The following MRPS27 variants were observed in gnomAD, a reference collection of about 807,000 sequenced individuals.
MRPS27 encodes the protein mitochondrial ribosomal protein S27.
A neutral mutation model predicts 48.9 loss-of-function variants in MRPS27; 43 were observed. The observed-to-expected ratio is 0.88, with a 90% confidence interval of 0.69 to 1.13. MRPS27 has a LOEUF of 1.13. Ranked by LOEUF, MRPS27 falls within the 50% of genes most tolerant of loss-of-function variation. The probability of loss-of-function intolerance (pLI) is 0.00; values close to 1 mark genes in which losing one functional copy is unlikely to be tolerated. For synonymous variants in MRPS27, 188 were observed against 171.9 expected, an observed-to-expected ratio of 1.09 and a Z score of -0.73; for missense variants, 467 against 476.3, an observed-to-expected ratio of 0.98 and a Z score of 0.18.
intron 2 of MRPS27, among the ~76,000 whole-genome samples, chr5:72,301,140 T>G (rs189375689): frequency 6.6e-6 from 1 of 152,370 alleles, no homozygotes; most frequent in East Asian, 1.9e-4. Context: ...TTAACCATTT[T>G]TTCCTCTCTT....
chr5:72,238,912 T>G (rs1043688865), intron 4 of MRPS27, among the ~76,000 whole-genome samples: 9 of 152,134 alleles, frequency 5.9e-5, no homozygotes, highest in Admixed American at 5.9e-4. Flanking sequence ...CTACTCCCGG[T>G]TCCTGGGGTT....
intron 7 of MRPS27, chr5:72,229,069 C>T (rs1440732612): frequency 6.6e-6 from 1 of 152,246 alleles, no homozygotes; most frequent in Non-Finnish European, 1.5e-5. Context: ...GACTTCCTGG[C>T]AATGCGGCCA....
chr5:72,320,159 G>A lies in MRPS27; in HGVS notation c.63C>T (p.Leu21=). 1.2e-6 allele frequency: 2 copies of A among 1,613,966 alleles called. No homozygotes were observed. Among genetic ancestry groups the A allele is most frequent in the Non-Finnish European group, 1.7e-6 (2 of 1,179,860 alleles). Residue 21 remains leucine (L), a synonymous_variant, in exon 1 of 11, where the codon CTC becomes CTT. Transcript: ENST00000261413. ...AGCTGTCCGGCCAACCTGCAGGAGA[G>A]AGCTGAGGAAGAACCACTTGCCGCG... ...LLARQVVLPQ[L]SPAGKRYLLS... is the part of the protein sequence containing the mutation.
chr5:72,243,419 C>T (rs1321325746), intron 4 of MRPS27, among the ~76,000 whole-genome samples: 1 of 152,072 alleles, frequency 6.6e-6, no homozygotes, highest in East Asian at 1.9e-4. Context: ...CCCTCAACTA[C>T]CACAAATAAA....
chr5:72,252,637 G>T (rs950296287), intron 4 of MRPS27, among the ~76,000 whole-genome samples: 3 of 152,192 alleles, frequency 2.0e-5, no homozygotes, highest in Non-Finnish European at 4.4e-5. Context: ...TTTGGTTGTT[G>T]TTGAGCACCA....
In MRPS27 at chr5:72,306,657, G is replaced by T. The variant is rs185700016; in HGVS notation, c.151+7424C>A. The stretch of plus-strand genomic sequence containing the variant: ...ACATTTCAACAAACTAAATTAAAAA[G>T]AAATTTATAAGACATTTGGGAAAAT... On this transcript the variant is annotated intron_variant, in intron 2 of 10. Coordinates refer to ENST00000261413, the MANE Select transcript of MRPS27 (RefSeq NM_015084.3). Among the ~76,000 whole-genome samples the T allele has an allele frequency of 4.0e-4, 61 of 152,230 alleles. 1 individual carries two copies. In the East Asian group the frequency reaches 0.011, roughly 28 times the overall value.
chr5:72,284,028 T>A (rs1749599956), intron 4 of MRPS27, among the ~76,000 whole-genome samples: 1 of 152,130 alleles, frequency 6.6e-6, no homozygotes, highest in South Asian at 2.1e-4. Flanking sequence ...TAATAAAAAA[T>A]TTACCCTGTT....
At chr5:72,232,403 TTCTA>T (rs769174192) in intron 7 of MRPS27, 36 bp downstream of exon 7, 2 of 1,507,912 alleles carry the variant, frequency 1.3e-6, no homozygotes, top group Non-Finnish European at 1.8e-6. Context: ...TGCTTGCCTT[TTCTA>T]AAGTTCTTAA....
At chr5:72,249,940 C>T (rs1355612593) in intron 4 of MRPS27, among the ~76,000 whole-genome samples, 2 of 151,946 alleles carry the variant, frequency 1.3e-5, no homozygotes, top group African/African-American at 2.4e-5. Context: ...GCTGAGATCA[C>T]GCCACTGCAC....
intron 4 of MRPS27, among the ~76,000 whole-genome samples, chr5:72,274,416 C>A (rs1749322791): frequency 6.6e-6 from 1 of 152,126 alleles, no homozygotes; most frequent in African/African-American, 2.4e-5. Context: ...TAGGCCTGCA[C>A]AGGGTCAGGA....
chr5:72,289,843 T>A (rs1260558142), intron 4 of MRPS27, among the ~76,000 whole-genome samples: 1 of 152,202 alleles, frequency 6.6e-6, no homozygotes, highest in Non-Finnish European at 1.5e-5. Context: ...GACACCCGGA[T>A]AGTAGAAGGA....
chr5:72,285,217 T>C (rs988716645), intron 4 of MRPS27, among the ~76,000 whole-genome samples: 4 of 152,208 alleles, frequency 2.6e-5, no homozygotes, highest in African/African-American at 9.7e-5. Context: ...TCCATAAAGC[T>C]AGTTCTCACT....
intron 2 of MRPS27, among the ~76,000 whole-genome samples, chr5:72,300,577 GACC>G (rs1336376896): frequency 1.3e-5 from 2 of 152,048 alleles, no homozygotes. Flanking sequence ...CTCAGTAAAT[GACC>G]ACCACATTGG....
At chr5:72,308,782 GAA>G (rs1292916030) in intron 2 of MRPS27, among the ~76,000 whole-genome samples, 1 of 152,212 alleles carries the variant, frequency 6.6e-6, no homozygotes. Context: ...TACACAGTAG[GAA>G]AAAGTCTCAA....
chr5:72,235,339 T>C (rs765503489), intron 5 of MRPS27, among the ~76,000 whole-genome samples: 4 of 152,056 alleles, frequency 2.6e-5, no homozygotes, highest in Non-Finnish European at 5.9e-5. Flanking sequence ...GAGAATCAAC[T>C]GAGAGCTTTA....
intron 6 of MRPS27, 24 bp from the exon 7 acceptor site, chr5:72,232,582 A>G: frequency 2.0e-6 from 3 of 1,522,226 alleles, no homozygotes; most frequent in Non-Finnish European, 2.7e-6. Flanking sequence ...AAAGTAAAAA[A>G]GAGAGGAAAT....
In MRPS27 at chr5:72,238,910, G is replaced by A. The variant is rs114448943; in HGVS notation, c.282-782C>T. On this transcript the variant is annotated intron_variant, in intron 4 of 10. Transcript: ENST00000261413. ...ACCTGGGATGGAAGCTGCTACTCCCGGTTCCTGGGGTTCATGACAAAAGAC... is the reference window on the plus strand; with the variant it reads ...ACCTGGGATGGAAGCTGCTACTCCCAGTTCCTGGGGTTCATGACAAAAGAC... Among the ~76,000 whole-genome samples, 567 of 152,196 alleles carry A rather than the reference G, an allele frequency of 3.7e-3. 1 individual carries two copies. Among genetic ancestry groups the A allele is most frequent in the African/African-American group, 0.013 (550 of 41,526 alleles).
intron 6 of MRPS27, 33 bp from the exon 7 acceptor site, chr5:72,232,591 A>T (rs1277360935): frequency 6.9e-7 from 1 of 1,445,470 alleles, no homozygotes; most frequent in South Asian, 1.2e-5. Context: ...AAGAGAGGAA[A>T]TTAGTTGTAG....
At chr5:72,263,122 G>A (rs1749025813) in intron 4 of MRPS27, among the ~76,000 whole-genome samples, 1 of 152,208 alleles carries the variant, frequency 6.6e-6, no homozygotes, top group Non-Finnish European at 1.5e-5. Context: ...GGTTTGCAAT[G>A]TCTAGTAAAA....
Sources: allele counts gnomAD v4.1 joint callset (sites outside exome capture counted in the v4.1 genomes callset), GRCh38; gene constraint gnomAD v4.1.1; transcripts MANE v1.5; gene names NCBI Gene and HGNC (gene_info 2026-07-23, HGNC 2026-07-21).